The following CLASP1 variants were observed in gnomAD, a reference collection of about 807,000 sequenced individuals.
The protein encoded by CLASP1 is cytoplasmic linker associated protein 1, also known as CLIP-associating protein 1.
Under a neutral mutation model 192.3 loss-of-function variants are expected in CLASP1, and 38 were observed. The ratio of observed to expected loss-of-function variants is 0.20; its 90% CI spans 0.15 to 0.26. CLASP1 has a LOEUF of 0.26. Ranked by LOEUF, CLASP1 falls within the 10% of genes least tolerant of loss-of-function variation. The pLI is 1.00. For missense variants in CLASP1, 1,433 were observed against 1,932.5 expected, an observed-to-expected ratio of 0.74 and a Z score of 4.85; for synonymous variants, 691 against 712.8, an observed-to-expected ratio of 0.97 and a Z score of 0.49.
chr2:121,582,054 G>A (rs13010367), intron 2 of CLASP1, among the ~76,000 whole-genome samples: 6 of 151,448 alleles, frequency 4.0e-5, no homozygotes, highest in Non-Finnish European at 7.4e-5. Context: ...TCCCAGCTAC[G>A]TGGGAGGCTG....
intron 34 of CLASP1, 34 bp downstream of exon 35, chr2:121,377,465 A>G (rs1288165925): frequency 6.5e-7 from 1 of 1,539,534 alleles, no homozygotes; most frequent in Non-Finnish European, 8.9e-7. Context: ...CATTTAACTC[A>G]TACAGAGTTC....
At chr2:121,582,319 GAGAA>G (rs1194091999) in intron 2 of CLASP1, among the ~76,000 whole-genome samples, 9 of 149,738 alleles carry the variant, frequency 6.0e-5, no homozygotes, top group African/African-American at 2.2e-4. Flanking sequence ...GAGAGAGAAA[GAGAA>G]AGGGAGAGAG....
chr2:121,375,006 T>C (rs950580081), intron 34 of CLASP1, among the ~76,000 whole-genome samples: 38 of 152,242 alleles, frequency 2.5e-4, no homozygotes, highest in African/African-American at 8.2e-4. Flanking sequence ...TGATGAGATA[T>C]GGGAGGGGCC....
exon 38 of CLASP1, chr2:121,348,687 G>A: frequency 6.2e-7 from 1 of 1,612,928 alleles, no homozygotes; most frequent in Non-Finnish European, 8.5e-7. Context: ...ACTGGCCAGT[G>A]TGGACGCAGC....
intron 2 of CLASP1, among the ~76,000 whole-genome samples, chr2:121,531,266 G>C (rs1352899779): frequency 6.6e-6 from 1 of 152,116 alleles, no homozygotes; most frequent in African/African-American, 2.4e-5. Flanking sequence ...GTTTCAATAG[G>C]AGACGAAGTT....
At chr2:121,518,552 C>A (rs1380978703) in intron 6 of CLASP1, among the ~76,000 whole-genome samples, 1 of 152,126 alleles carries the variant, frequency 6.6e-6, no homozygotes, top group Non-Finnish European at 1.5e-5. Context: ...AAAATAATTT[C>A]TAATGTTAGG....
rs189946839 is a variant in CLASP1, at chr2:121,437,101, T to C, written c.1913-6924A>G. Reference sequence around the variant, plus strand: ...CCCCAGCCTCACAAGTATCTGGGGCTACAGGTGTGCACCACCATGCTTGGC... The same window carrying C: ...CCCCAGCCTCACAAGTATCTGGGGCCACAGGTGTGCACCACCATGCTTGGC... On this transcript the variant is annotated intron_variant, in intron 19 of 39. Coordinates refer to ENST00000263710, the Ensembl canonical transcript of CLASP1. 1.2e-3 allele frequency among the ~76,000 whole-genome samples: 177 copies of C among 152,234 alleles called. 2 individuals carry two copies. Among genetic ancestry groups the C allele is most frequent in the Non-Finnish European group, 1.2e-4 (8 of 68,018 alleles).
chr2:121,497,419 T>C (rs2093577614), intron 8 of CLASP1, among the ~76,000 whole-genome samples: 1 of 152,214 alleles, frequency 6.6e-6, no homozygotes, highest in Non-Finnish European at 1.5e-5. Flanking sequence ...TTTAGATACA[T>C]GTTTCAAATA....
At chr2:121,618,920 T>C (rs1205589899) in intron 1 of CLASP1, among the ~76,000 whole-genome samples, 1 of 152,224 alleles carries the variant, frequency 6.6e-6, no homozygotes, top group Non-Finnish European at 1.5e-5. Flanking sequence ...CAGGGAAATC[T>C]ATACAAGTCA....
At chr2:121,582,507 AAGAG>A (rs745864107) in intron 2 of CLASP1, among the ~76,000 whole-genome samples, 1 of 151,082 alleles carries the variant, frequency 6.6e-6, no homozygotes, top group African/African-American at 2.4e-5. Flanking sequence ...GGGAGAAAGA[AAGAG>A]AGGAGAGAGA....
intron 13 of CLASP1, 21 bp downstream of exon 13, chr2:121,458,819 C>T: frequency 6.4e-7 from 1 of 1,555,026 alleles, no homozygotes; most frequent in East Asian, 2.3e-5. Context: ...TTATTTCAAG[C>T]ATGGCCTATA....
chr2:121,531,009 T>C lies in CLASP1; in HGVS notation c.196-684A>G, dbSNP rs942363087. 7.7e-5 allele frequency: 54 copies of C among 700,042 alleles called. No individual in the cohort carries two copies. Among genetic ancestry groups the C allele is most frequent in the African/African-American group, 1.0e-4 (6 of 57,156 alleles). The allele number at this position is 700,042 out of a possible 1,614,324, so 43.4% of individuals were successfully genotyped here. On this transcript the variant is annotated intron_variant, in intron 2 of 39. Transcript: ENST00000263710. ...TATTTTGGTGCAATTTTTGGAAAAA[T>C]GAAAACCTGTTTTCATAGACTTATC...
intron 1 of CLASP1, among the ~76,000 whole-genome samples, chr2:121,641,343 A>C (rs1576699441): frequency 6.6e-6 from 1 of 152,108 alleles, no homozygotes; most frequent in East Asian, 1.9e-4. Context: ...AAAAAAAAAA[A>C]AAAAACAGGT....
At chr2:121,591,940 C>T (rs181537251) in intron 2 of CLASP1, among the ~76,000 whole-genome samples, 1 of 152,318 alleles carries the variant, frequency 6.6e-6, no homozygotes, top group Non-Finnish European at 1.5e-5. Flanking sequence ...TCCAGGTTGA[C>T]CTCCCATTCT....
intron 2 of CLASP1, among the ~76,000 whole-genome samples, chr2:121,532,881 AT>A (rs1392970048): frequency 6.6e-6 from 1 of 152,192 alleles, no homozygotes; most frequent in Non-Finnish European, 1.5e-5. Context: ...AAAAAAGTTT[AT>A]TTTTTAAAAA....
chr2:121,525,311 G>T (rs550727655), intron 6 of CLASP1, among the ~76,000 whole-genome samples: 1 of 152,300 alleles, frequency 6.6e-6, no homozygotes, highest in South Asian at 2.1e-4. Flanking sequence ...TCACACTGAG[G>T]AAGTGGTACT....
intron 8 of CLASP1, among the ~76,000 whole-genome samples, chr2:121,478,875 A>C (rs2092200913): frequency 4.9e-5 from 3 of 61,422 alleles, no homozygotes; most frequent in African/African-American, 2.0e-4. Flanking sequence ...CACACACCAC[A>C]CCACACACAC....
At chr2:121,391,337 C>G (rs2074304600) in intron 30 of CLASP1, among the ~76,000 whole-genome samples, 1 of 152,154 alleles carries the variant, frequency 6.6e-6, no homozygotes. Flanking sequence ...TACTCGACTA[C>G]GCTGAAGTGA....
intron 2 of CLASP1, among the ~76,000 whole-genome samples, chr2:121,591,713 CTCTTGTCCCTCATCCAAAAGAATCCTA>C: frequency 6.6e-6 from 1 of 152,324 alleles, no homozygotes; most frequent in African/African-American, 2.4e-5. Flanking sequence ...GCTGGGCTAT[CTCTTGTCCCTCATCCAAAAGAATCCTA>C]AAGGCCATCT....
Sources: allele counts gnomAD v4.1 joint callset (sites outside exome capture counted in the v4.1 genomes callset), GRCh38; gene constraint gnomAD v4.1.1; transcripts MANE v1.5; gene names NCBI Gene and HGNC (gene_info 2026-07-23, HGNC 2026-07-21).